The following ZUP1 variants were observed in gnomAD, a reference collection of about 807,000 sequenced individuals.
The protein encoded by ZUP1 is zinc finger containing ubiquitin peptidase 1.
In ZUP1, 55 loss-of-function variants were observed where a neutral mutation model predicts 68.1. The ratio of observed to expected loss-of-function variants is 0.81; its 90% CI spans 0.65 to 1.01. ZUP1 has a LOEUF of 1.01. ZUP1 is among the 50% of genes least tolerant of loss of function. The pLI is 0.00. For synonymous variants in ZUP1, 223 were observed against 221.5 expected (o/e 1.01, Z -0.06); for missense variants, 684 against 674.9 (o/e 1.01, Z -0.15).
intron 2 of ZUP1, among the ~76,000 whole-genome samples, chr6:116,665,018 A>T (rs141540284): frequency 8.5e-5 from 13 of 152,292 alleles, no homozygotes; most frequent in Middle Eastern, 3.4e-3. Flanking sequence ...AATACATAGA[A>T]AACAAAAATA....
At chr6:116,665,409 A>G (rs564176584) in intron 2 of ZUP1, among the ~76,000 whole-genome samples, 1 of 152,300 alleles carries the variant, frequency 6.6e-6, no homozygotes, top group South Asian at 2.1e-4. Context: ...ATGATCCATG[A>G]AAGAAGAAAT....
intron 2 of ZUP1, 41 bp downstream of exon 2, chr6:116,666,593 A>G: frequency 2.0e-6 from 3 of 1,469,084 alleles, no homozygotes; most frequent in Non-Finnish European, 2.7e-6. Flanking sequence ...TATTAAATTG[A>G]GGCTGTAAAC....
rs1360808686 is a variant in ZUP1 at position 116,666,735 on chromosome 6, G to A, written c.458C>T (p.Pro153Leu). 2 of 1,613,674 alleles carry A rather than the reference G, an allele frequency of 1.2e-6. No homozygotes were observed. Among genetic ancestry groups the A allele is most frequent in the Non-Finnish European group, 8.5e-7 (1 of 1,179,738 alleles). The part of the protein sequence containing the change: ...KGSVYETTYS[P>L]PECPFCGKIE... ...TTTTCCACAGAATGGACATTCAGGA[G>A]GACTGTATGTTGTTTCATAAACAGA... The change falls in exon 2 of 10, where the codon CCT becomes CTT. Residue 153 changes from proline (P) to leucine (L), a missense_variant. By Grantham distance (98) the Pro-to-Leu change is moderately conservative. Transcript: ENST00000368576.
At chr6:116,656,904 G>A (rs1776685497) in intron 4 of ZUP1, 52 bp from the exon 5 acceptor site, 1 of 1,245,096 alleles carries the variant, frequency 8.0e-7, no homozygotes, top group Non-Finnish European at 1.1e-6. Flanking sequence ...GTAACTCTAT[G>A]AGGATGGAAA....
intron 5 of ZUP1, among the ~76,000 whole-genome samples, chr6:116,654,257 G>A (rs1301732490): frequency 4.0e-5 from 6 of 151,774 alleles, no homozygotes; most frequent in Non-Finnish European, 8.9e-5. Context: ...CAGAATCATG[G>A]ATATATGAAA....
At chr6:116,662,394 A>G (rs145332638) in intron 2 of ZUP1, among the ~76,000 whole-genome samples, 1 of 151,922 alleles carries the variant, frequency 6.6e-6, no homozygotes, top group Admixed American at 6.5e-5. Context: ...TACATTTTTT[A>G]CCACCAGAAT....
intron 2 of ZUP1, among the ~76,000 whole-genome samples, chr6:116,664,201 T>G (rs1294705462): frequency 6.6e-6 from 1 of 151,970 alleles, no homozygotes; most frequent in African/African-American, 2.4e-5. Context: ...GGGGCTGAGG[T>G]AGGTGGATCA....
intron 5 of ZUP1, among the ~76,000 whole-genome samples, chr6:116,655,984 T>C (rs1776650189): frequency 6.6e-6 from 1 of 152,234 alleles, no homozygotes; most frequent in South Asian, 2.1e-4. Flanking sequence ...AGTAATAGTT[T>C]TAATGTTGAT....
intron 7 of ZUP1, 35 bp from the exon 8 acceptor site, chr6:116,647,645 C>T (rs1330573985): frequency 1.4e-6 from 2 of 1,428,426 alleles, no homozygotes; most frequent in Admixed American, 2.1e-5. Context: ...ATTTAAAGGG[C>T]ATTTTAAAAT....
intron 7 of ZUP1, among the ~76,000 whole-genome samples, chr6:116,650,422 CAAAA>C (rs61692064): frequency 2.1e-5 from 1 of 46,550 alleles, no homozygotes. Context: ...AACTCCGTCT[CAAAA>C]AAAAAAAAAA....
intron 9 of ZUP1, among the ~76,000 whole-genome samples, chr6:116,640,209 T>G (rs967640286): frequency 6.6e-6 from 1 of 152,138 alleles, no homozygotes; most frequent in African/African-American, 2.4e-5. Flanking sequence ...AATCTACGTC[T>G]GATTGGTGTA....
At position 116,658,863 on chromosome 6, in the gene ZUP1, T is replaced by G; in HGVS notation, c.732A>C (p.Glu244Asp). 6.2e-7 allele frequency: 1 copy of G among 1,611,696 alleles called. No homozygotes were observed. Among genetic ancestry groups the G allele is most frequent in the Non-Finnish European group, 8.5e-7 (1 of 1,178,864 alleles). The change falls in exon 4 of 10, where the codon GAA (glutamate) becomes GAC (aspartate). Residue 244 changes from glutamate (E) to aspartate (D), a missense_variant. Coordinates refer to ENST00000368576, the MANE Select transcript of ZUP1 (RefSeq NM_145062.3). Reference sequence around the variant, plus strand: ...ATTCTTCAGATCTCCTCTTTCTGTCTTCTTCTTGCTGAAGCTGGTGAGCCA... The same window carrying G: ...ATTCTTCAGATCTCCTCTTTCTGTCGTCTTCTTGCTGAAGCTGGTGAGCCA... Reference protein sequence around the residue: ...LQLAHQLQQEEDRKRRSEESR... With the variant: ...LQLAHQLQQEDDRKRRSEESR...
chr6:116,660,680 G>T, intron 3 of ZUP1, 56 bp downstream of exon 3: 1 of 920,582 alleles, frequency 1.1e-6, no homozygotes, highest in Non-Finnish European at 1.6e-6. Context: ...AATTAGATAT[G>T]TGTCCTAGAA....
At chr6:116,656,616 T>C in intron 5 of ZUP1, 68 bp downstream of exon 5, 1 of 1,273,196 alleles carries the variant, frequency 7.9e-7, no homozygotes, top group Non-Finnish European at 1.1e-6. Context: ...AAAATTAAAA[T>C]GATTCTGATT....
intron 3 of ZUP1, 63 bp downstream of exon 3, chr6:116,660,673 T>G: frequency 1.2e-6 from 1 of 864,032 alleles, no homozygotes; most frequent in Non-Finnish European, 1.8e-6. Flanking sequence ...ATCTAAAAAT[T>G]AGATATGTGT....
rs924069025 is a variant in ZUP1, at chr6:116,661,181, G to T, written c.560-335C>A. 2.6e-5 allele frequency among the ~76,000 whole-genome samples: 4 copies of T among 151,652 alleles called. No homozygotes were observed. The East Asian group carries it at 7.7e-4, about 29-fold the overall frequency. On this transcript the variant is annotated intron_variant, in intron 2 of 9. Transcript: ENST00000368576. ...ATGAGCCACCATGCCCAGCCAAGTT[G>T]GTTTTATTTTTATAACTTTTAGATT...
intron 8 of ZUP1, 25 bp downstream of exon 8, chr6:116,647,434 A>C (rs1776345051): frequency 6.7e-7 from 1 of 1,488,940 alleles, no homozygotes; most frequent in Non-Finnish European, 9.0e-7. Flanking sequence ...CAACATTGTC[A>C]AATATGAGTT....
chr6:116,652,746 T>G (rs6940156), intron 5 of ZUP1, among the ~76,000 whole-genome samples: 87,696 of 151,842 alleles, frequency 0.58, 25,490 homozygotes, highest in South Asian at 0.66. Context: ...TTGGGGAGAT[T>G]AATTAATTTG....
chr6:116,640,031 C>T (rs549861103), intron 9 of ZUP1, among the ~76,000 whole-genome samples: 3 of 151,744 alleles, frequency 2.0e-5, no homozygotes, highest in South Asian at 4.2e-4. Flanking sequence ...TCGAGAACTA[C>T]GTGAAGAATG....
Sources: allele counts gnomAD v4.1 joint callset (sites outside exome capture counted in the v4.1 genomes callset), GRCh38; gene constraint gnomAD v4.1.1; transcripts MANE v1.5; gene names NCBI Gene and HGNC (gene_info 2026-07-23, HGNC 2026-07-21).